Variants in SEMA3A observed in about 807,000 individuals in gnomAD.
The protein encoded by SEMA3A is semaphorin 3A.
Under a neutral mutation model 97.9 loss-of-function variants are expected in SEMA3A, and 29 were observed. That is an observed-to-expected ratio of 0.30 (90% CI 0.22 to 0.40). The LOEUF is 0.40. Among genes scored for constraint, SEMA3A ranks in the 10% least tolerant of loss-of-function variants. The pLI is 1.00. For synonymous variants in SEMA3A, 321 were observed against 323.7 expected, an observed-to-expected ratio of 0.99 and a Z score of 0.09; for missense variants, 763 against 951.3, an observed-to-expected ratio of 0.80 and a Z score of 2.60.
At chr7:84,211,237 A>G (rs1798616456) in intron 3 of SEMA3A, among the ~76,000 whole-genome samples, 1 of 152,222 alleles carries the variant, frequency 6.6e-6, no homozygotes, top group South Asian at 2.1e-4. Context: ...GAGAAGGCAC[A>G]TTAGGTTTGT....
chr7:84,014,311 G>T lies in SEMA3A; in HGVS notation c.708C>A (p.Asp236Glu), dbSNP rs964950635. The change falls in exon 7 of 17, where the codon GAC becomes GAA. Residue 236 changes from aspartate (D) to glutamate (E), a missense_variant. By Grantham distance (45) the Asp-to-Glu change is conservative (BLOSUM62 2). Transcript: ENST00000265362. Reference sequence around the variant, plus strand: ...AGTATACTTTGTCATCTTCAGGATTGTCACTCTCTGAGATGAGGTGGGCAC... The same window carrying T: ...AGTATACTTTGTCATCTTCAGGATTTTCACTCTCTGAGATGAGGTGGGCAC... ...FISAHLISES[D>E]NPEDDKVYFF... is the part of the protein sequence containing the mutation. 1 of 1,612,140 alleles carries T rather than the reference G, an allele frequency of 6.2e-7. No homozygotes were observed. Among genetic ancestry groups the T allele is most frequent in the Non-Finnish European group, 8.5e-7 (1 of 1,178,848 alleles).
chr7:84,439,856 G>A (rs1187463235), intron 1 of SEMA3A, among the ~76,000 whole-genome samples: 1 of 152,098 alleles, frequency 6.6e-6, no homozygotes. Flanking sequence ...AAGAATATAT[G>A]TATTTTTAAA....
At chr7:84,056,138 T>A (rs1018188260) in intron 5 of SEMA3A, among the ~76,000 whole-genome samples, 4 of 149,594 alleles carry the variant, frequency 2.7e-5, no homozygotes, top group African/African-American at 7.3e-5. Flanking sequence ...ACACAAAAGT[T>A]ACTATTTGAG....
At chr7:84,018,698 A>G (rs1018158526) in intron 6 of SEMA3A, among the ~76,000 whole-genome samples, 1 of 152,158 alleles carries the variant, frequency 6.6e-6, no homozygotes, top group Non-Finnish European at 1.5e-5. Flanking sequence ...ACAACGGAGA[A>G]AGTTGTACAC....
At chr7:84,103,263 T>C (rs3801622) in intron 4 of SEMA3A, among the ~76,000 whole-genome samples, 65,977 of 151,866 alleles carry the variant, frequency 0.43, 15,258 homozygotes, top group Admixed American at 0.53. Context: ...CTTACTTTGG[T>C]CCTTAGTTGG....
chr7:84,386,977 G>A lies in SEMA3A; in HGVS notation c.-245-15077C>T, dbSNP rs144133510. Among the ~76,000 whole-genome samples the A allele has an allele frequency of 3.5e-3, 531 of 151,480 alleles. 3 individuals carry two copies. Among genetic ancestry groups the A allele is most frequent in the Non-Finnish European group, 5.6e-3 (381 of 67,974 alleles). ...ATCGCACCACTGCACTCCAGCCTGG[G>A]GGACAGAGCAATGCTCCGTCTCAAA... On this transcript the variant is annotated intron_variant, in intron 1 of 3. Coordinates refer to the SEMA3A transcript ENST00000424555.
At chr7:84,478,006 G>T (rs1806343746) in intron 1 of SEMA3A, among the ~76,000 whole-genome samples, 1 of 152,138 alleles carries the variant, frequency 6.6e-6, no homozygotes. Context: ...TAAGCAGCCT[G>T]GTGTTGAGGT....
intron 1 of SEMA3A, among the ~76,000 whole-genome samples, chr7:84,409,435 C>T (rs1000627737): frequency 6.6e-6 from 1 of 151,910 alleles, no homozygotes; most frequent in African/African-American, 2.4e-5. Flanking sequence ...ATACAAATCC[C>T]AATTGCATCT....
At chr7:84,347,911 T>C (rs1562913276) in intron 2 of SEMA3A, among the ~76,000 whole-genome samples, 1 of 152,128 alleles carries the variant, frequency 6.6e-6, no homozygotes, top group Non-Finnish European at 1.5e-5. Flanking sequence ...TTTCAGGACA[T>C]GATTGTATTG....
chr7:84,194,429 G>T, intron 1 of SEMA3A, 46 bp downstream of exon 1: 1 of 1,257,202 alleles, frequency 8.0e-7, no homozygotes, highest in Non-Finnish European at 1.2e-6. Flanking sequence ...TAAGGGGGGG[G>T]GCGGTTATTA....
intron 3 of SEMA3A, among the ~76,000 whole-genome samples, chr7:84,270,917 T>C (rs1018139193): frequency 1.3e-5 from 2 of 151,954 alleles, no homozygotes; most frequent in Admixed American, 6.6e-5. Context: ...AGATTACTTC[T>C]TTTAATCCTC....
intron 1 of SEMA3A, among the ~76,000 whole-genome samples, chr7:84,416,739 G>T (rs997863681): frequency 6.6e-6 from 1 of 152,130 alleles, no homozygotes; most frequent in Non-Finnish European, 1.5e-5. Context: ...GATTGGAAAA[G>T]TTAAAGTTAC....
chr7:84,194,453 A>G (rs1419901351), intron 1 of SEMA3A, 22 bp downstream of exon 1: 10 of 1,523,718 alleles, frequency 6.6e-6, no homozygotes, highest in Non-Finnish European at 8.2e-6. Context: ...AGCTAACCAA[A>G]TAAAAGAAAA....
chr7:84,310,172 T>C lies in SEMA3A; in HGVS notation c.-168-2880A>G, dbSNP rs190088394. 5.6e-3 allele frequency among the ~76,000 whole-genome samples: 859 copies of C among 152,222 alleles called. 5 individuals carry two copies. Among genetic ancestry groups the C allele is most frequent in the African/African-American group, 0.017 (726 of 41,552 alleles). On this transcript the variant is annotated intron_variant, in intron 2 of 3. Transcript: ENST00000424555. ...TCATCATGCTGGTTGAAAATATCAC[T>C]CTAATGCACAGAATATTGTTGAATT...
intron 6 of SEMA3A, among the ~76,000 whole-genome samples, chr7:84,023,426 A>G (rs1791397555): frequency 6.6e-6 from 1 of 152,190 alleles, no homozygotes; most frequent in Non-Finnish European, 1.5e-5. Flanking sequence ...CATTTGGGGT[A>G]TCTGTAAATT....
Position 84,490,359 on chromosome 7 carries a change from T to G in SEMA3A, c.-246+2101A>C, listed in dbSNP as rs1386789507. ...CATTAGTGAAAAATCATTATCTTTT[T>G]GAGTTACGTGTGTATATTCACTTGC... is the stretch of plus-strand genomic sequence containing the variant. On this transcript the variant is annotated intron_variant, in intron 1 of 3. Coordinates refer to the SEMA3A transcript ENST00000424555. 5.3e-5 allele frequency among the ~76,000 whole-genome samples: 8 copies of G among 152,246 alleles called. 1 individual carries two copies. The highest frequency in any genetic ancestry group is 2.4e-5 in the African/African-American group (1 of 41,554).
At chr7:84,488,040 G>A (rs913732209) in intron 1 of SEMA3A, among the ~76,000 whole-genome samples, 5 of 151,574 alleles carry the variant, frequency 3.3e-5, no homozygotes, top group African/African-American at 9.7e-5. Flanking sequence ...ATAATAATAT[G>A]GACTGTTAAA....
At chr7:84,246,112 G>A (rs1799471411) in intron 3 of SEMA3A, among the ~76,000 whole-genome samples, 1 of 152,174 alleles carries the variant, frequency 6.6e-6, no homozygotes, top group Non-Finnish European at 1.5e-5. Context: ...GCATTGCAGT[G>A]GGCTCCGCCC....
chr7:84,012,659 GAGAAAATATTTGAATAACCGTTAATAA>G (rs1240772021), intron 7 of SEMA3A, among the ~76,000 whole-genome samples: 1 of 152,184 alleles, frequency 6.6e-6, no homozygotes, highest in Non-Finnish European at 1.5e-5. Context: ...ACAACACGTT[GAGAAAATATTTGAATAACCGTTAATAA>G]AGGAAACTCA....
Sources: allele counts gnomAD v4.1 joint callset (sites outside exome capture counted in the v4.1 genomes callset), GRCh38; gene constraint gnomAD v4.1.1; transcripts MANE v1.5; gene names NCBI Gene and HGNC (gene_info 2026-07-23, HGNC 2026-07-21).